The following PIK3C2B variants were observed in gnomAD, a reference collection of about 807,000 sequenced individuals.
PIK3C2B encodes the protein phosphatidylinositol-4-phosphate 3-kinase catalytic subunit type 2 beta, also known as phosphatidylinositol 4-phosphate 3-kinase C2 domain-containing subunit beta.
PIK3C2B carries 83 observed loss-of-function variants against 184.3 expected under a neutral mutation model. The ratio of observed to expected loss-of-function variants is 0.45; its 90% CI spans 0.38 to 0.54. The LOEUF (loss-of-function observed/expected upper bound fraction) is 0.54, where lower values mean the gene tolerates loss of function less well. PIK3C2B is among the 20% of genes least tolerant of loss of function. The pLI is 0.00. For missense variants in PIK3C2B, 1,736 were observed against 2,113.5 expected (o/e 0.82, Z 3.50); for synonymous variants, 779 against 837.6 (o/e 0.93, Z 1.21).
chr1:204,452,906 C>A (rs1293805849), intron 12 of PIK3C2B, among the ~76,000 whole-genome samples: 2 of 152,072 alleles, frequency 1.3e-5, no homozygotes, highest in Non-Finnish European at 2.9e-5. Flanking sequence ...GATTATCCCG[C>A]CTTGTCCTCC....
At chr1:204,450,837 G>A (rs1432033724) in intron 12 of PIK3C2B, among the ~76,000 whole-genome samples, 1 of 152,192 alleles carries the variant, frequency 6.6e-6, no homozygotes, top group African/African-American at 2.4e-5. Flanking sequence ...TGGAAAGGCA[G>A]GGAGGACCCA....
chr1:204,434,834 A>G (rs1558235076), intron 23 of PIK3C2B, among the ~76,000 whole-genome samples: 1 of 152,266 alleles, frequency 6.6e-6, no homozygotes, highest in Non-Finnish European at 1.5e-5. Flanking sequence ...ATTTATATGT[A>G]TATCTTCACC....
chr1:204,426,285 C>A (rs1674736190), intron 31 of PIK3C2B, among the ~76,000 whole-genome samples: 2 of 152,224 alleles, frequency 1.3e-5, no homozygotes, highest in African/African-American at 4.8e-5. Flanking sequence ...GTCCATCATA[C>A]CCTCTCCAAC....
chr1:204,445,974 A>G lies in PIK3C2B; in HGVS notation c.2660T>C (p.Leu887Pro), dbSNP rs769845001. Residue 887 changes from leucine to proline, a missense_variant, in exon 16 of 33, where the codon CTG becomes CCG. By Grantham distance (98) the Leu-to-Pro change is moderately conservative. Transcript: ENST00000684373. ...QWTHMNHQDA[L>P]GLLHATFPDQ... is the part of the protein sequence containing the mutation. ...AACTCACGTGGCATGCAGGAGCCCCAGGGCATCCTGGTGGTTCATGTGGGT... is the reference window on the plus strand; with the variant it reads ...AACTCACGTGGCATGCAGGAGCCCCGGGGCATCCTGGTGGTTCATGTGGGT... 3 of 1,547,066 alleles carry G rather than the reference A, an allele frequency of 1.9e-6. No individual in the cohort carries two copies. In the African/African-American group the frequency reaches 4.1e-5, roughly 21 times the overall value.
At position 204,424,971 on chromosome 1, in the gene PIK3C2B, G is replaced by C; in HGVS notation, c.4786C>G (p.Gln1596Glu). 6.2e-7 allele frequency: 1 copy of C among 1,614,098 alleles called. No individual in the cohort carries two copies. The highest frequency in any genetic ancestry group is 8.5e-7 in the Non-Finnish European group (1 of 1,179,956). The change falls in exon 33 of 33, where the codon CAG (glutamine) becomes GAG (glutamate). Residue 1596 changes from glutamine (Q) to glutamate (E), a missense_variant. Around this residue, in one of 8 missense-constraint regions of PIK3C2B, gnomAD observed 95 missense variants for 164.2 expected, o/e 0.58. Coordinates refer to ENST00000684373, the MANE Select transcript of PIK3C2B (RefSeq NM_001377334.1). ...AGGAGGACGTTCTCCCAGAATCCCT[G>C]CTCACTCAGCACGCTCAGCTGGAGC... ...RELQLSVLSEQGFWENVLLGE... is the reference protein window; with the variant it reads ...RELQLSVLSEEGFWENVLLGE...
intron 11 of PIK3C2B, among the ~76,000 whole-genome samples, chr1:204,455,243 C>T (rs938635218): frequency 6.0e-5 from 9 of 150,270 alleles, no homozygotes; most frequent in Non-Finnish European, 1.2e-4. Flanking sequence ...GAGAAGGCCC[C>T]GGTTTCCCAG....
At chr1:204,477,111 G>A (rs746037769) in intron 1 of PIK3C2B, among the ~76,000 whole-genome samples, 4 of 152,146 alleles carry the variant, frequency 2.6e-5, no homozygotes, top group South Asian at 2.1e-4. Context: ...ACAATGCCAT[G>A]AGCACACCCA....
At chr1:204,474,425 C>G (rs1018101771) in intron 1 of PIK3C2B, among the ~76,000 whole-genome samples, 3 of 152,186 alleles carry the variant, frequency 2.0e-5, no homozygotes, top group Non-Finnish European at 2.9e-5. Context: ...GTCTGCCCCC[C>G]ACATCCCACT....
Position 204,433,995 on chromosome 1 carries a change from A to G in PIK3C2B, c.3687-46T>C. 6.5e-7 allele frequency: 1 copy of G among 1,542,204 alleles called. No homozygotes were observed. The highest frequency in any genetic ancestry group is 9.0e-7 in the Non-Finnish European group (1 of 1,116,894). On this transcript the variant is annotated intron_variant, in intron 24 of 32. Coordinates refer to ENST00000684373, the MANE Select transcript of PIK3C2B (RefSeq NM_001377334.1). This position sits in a 1 kb window ranked among gnomAD's most constrained non-coding sequence, Gnocchi z 5.0. ...AGGTAGAAGGTCAACATGGAGGAGG[A>G]AGCCCACCATATGGGCTGCATCAGG...
intron 19 of PIK3C2B, 25 bp from the exon 20 acceptor site, chr1:204,442,658 C>G: frequency 6.8e-7 from 1 of 1,473,830 alleles, no homozygotes; most frequent in African/African-American, 1.4e-5. Context: ...AGGAGTACAG[C>G]AGGGGTGAAA....
At position 204,443,542 on chromosome 1, in the gene PIK3C2B, G is replaced by C; in HGVS notation, c.2923C>G (p.Leu975Val). The change falls in exon 19 of 33, where the codon CTG (leucine) becomes GTG (valine). Residue 975 changes from leucine to valine, a missense_variant. Coordinates refer to ENST00000684373, the MANE Select transcript of PIK3C2B (RefSeq NM_001377334.1). ...CCACAGCAGCACAGTAAGGCTGCCA[G>C]CAGATACTGGTAGCGGATGCTGAAC... ...SQFSIRYQYL[L>V]AALLCCCGKG... The C allele has an allele frequency of 1.2e-6, 2 of 1,614,186 alleles. No homozygotes were observed. The highest frequency in any genetic ancestry group is 1.7e-6 in the Non-Finnish European group (2 of 1,180,004).
At position 204,444,052 on chromosome 1, in the gene PIK3C2B, C is replaced by T. The variant is rs1158930086; in HGVS notation, c.2867+16G>A. ...AGACACGTGTCTACCTCCCACTTTT[C>T]TACATGCAGTTTTACCAGAAGAAGT... is the stretch of plus-strand genomic sequence containing the variant. On this transcript the variant is annotated intron_variant, in intron 18 of 32. Transcript: ENST00000684373. 1 of 1,564,846 alleles carries T rather than the reference C, an allele frequency of 6.4e-7. No individual in the cohort carries two copies. The highest frequency in any genetic ancestry group is 8.8e-7 in the Non-Finnish European group (1 of 1,135,172).
intron 3 of PIK3C2B, 144 bp downstream of exon 3, chr1:204,465,075 G>A: frequency 3.1e-6 from 2 of 653,640 alleles, no homozygotes; most frequent in Non-Finnish European, 5.5e-6. Context: ...GCAGACACTT[G>A]TTGTAGGAAG....
At chr1:204,459,694 G>A (rs977881916) in intron 8 of PIK3C2B, among the ~76,000 whole-genome samples, 184 bp downstream of exon 8, 1 of 152,190 alleles carries the variant, frequency 6.6e-6, no homozygotes, top group Non-Finnish European at 1.5e-5. Context: ...CTACGCACTT[G>A]CCGTTGCCCA....
intron 2 of PIK3C2B, among the ~76,000 whole-genome samples, chr1:204,468,293 GAC>G (rs1655986946): frequency 6.6e-6 from 1 of 152,208 alleles, no homozygotes; most frequent in Non-Finnish European, 1.5e-5. Context: ...GAGAGGAGGA[GAC>G]AGAAGGCTTA....
intron 5 of PIK3C2B, among the ~76,000 whole-genome samples, chr1:204,463,748 G>A (rs1572361980): frequency 7.7e-6 from 1 of 129,988 alleles, no homozygotes; most frequent in African/African-American, 3.0e-5. Context: ...AGCAGAATCT[G>A]CAAGCAGATA....
chr1:204,475,401 T>A (rs1051828127), intron 1 of PIK3C2B, among the ~76,000 whole-genome samples: 5 of 152,202 alleles, frequency 3.3e-5, no homozygotes, highest in African/African-American at 9.6e-5. Context: ...TATGGATCCA[T>A]CACCCCTACT....
At chr1:204,465,918 G>A (rs1655731462) in intron 2 of PIK3C2B, among the ~76,000 whole-genome samples, 1 of 152,246 alleles carries the variant, frequency 6.6e-6, no homozygotes, top group Non-Finnish European at 1.5e-5. Flanking sequence ...CTGGGCAGGG[G>A]AGGACCTGGT....
intron 19 of PIK3C2B, 87 bp downstream of exon 19, chr1:204,443,330 G>A (rs981881137): frequency 1.5e-6 from 2 of 1,338,016 alleles, no homozygotes; most frequent in African/African-American, 2.9e-5. Context: ...TCGTCACGTG[G>A]AATCTTGTTG....
Sources: allele counts gnomAD v4.1 joint callset (sites outside exome capture counted in the v4.1 genomes callset), GRCh38; gene constraint gnomAD v4.1.1; regional missense constraint gnomAD v4.1.1; non-coding constraint Gnocchi (gnomAD v3.1); transcripts MANE v1.5; gene names NCBI Gene and HGNC (gene_info 2026-07-23, HGNC 2026-07-21).